AKAP6: variants seen among roughly 807,000 people sequenced by gnomAD.
AKAP6 encodes the protein A-kinase anchor protein 6.
Under a neutral mutation model 188.5 loss-of-function variants are expected in AKAP6, and 58 were observed. The ratio of observed to expected loss-of-function variants is 0.31; its 90% CI spans 0.25 to 0.38. The LOEUF is 0.38. Ranked by LOEUF, AKAP6 falls within the 10% of genes least tolerant of loss-of-function variation. The probability of loss-of-function intolerance (pLI) is 1.00; values close to 1 mark genes in which losing one functional copy is unlikely to be tolerated. For synonymous variants in AKAP6, 989 were observed against 998.6 expected (o/e 0.99, Z 0.18); for missense variants, 2,710 against 2,740.0 (o/e 0.99, Z 0.24).
chr14:32,672,108 C>T (rs1167733900), intron 7 of AKAP6, among the ~76,000 whole-genome samples: 1 of 152,084 alleles, frequency 6.6e-6, no homozygotes, highest in African/African-American at 2.4e-5. Context: ...ATTTGGGTCA[C>T]CACATACCGA....
intron 7 of AKAP6, among the ~76,000 whole-genome samples, chr14:32,660,331 T>C (rs149537544): frequency 1.7e-3 from 264 of 152,212 alleles, no homozygotes; most frequent in African/African-American, 6.2e-3. Flanking sequence ...CTTTCCCCAT[T>C]GTGCCACCAT....
intron 2 of AKAP6, among the ~76,000 whole-genome samples, chr14:32,438,165 T>A (rs1317568607): frequency 6.6e-6 from 1 of 152,160 alleles, no homozygotes; most frequent in South Asian, 2.1e-4. Context: ...ATTGGATGAA[T>A]CAAGGCCCAA....
intron 2 of AKAP6, among the ~76,000 whole-genome samples, chr14:32,524,717 C>T (rs918195267): frequency 1.3e-5 from 2 of 152,132 alleles, no homozygotes. Context: ...CAGTGGTGGG[C>T]TACCTTTCAA....
At chr14:32,522,055 C>T (rs200313915) in intron 2 of AKAP6, among the ~76,000 whole-genome samples, 1 of 152,190 alleles carries the variant, frequency 6.6e-6, no homozygotes, top group African/African-American at 2.4e-5. Context: ...ACCATTTGAT[C>T]TTTGACAAAC....
At chr14:32,463,809 GT>G (rs1253643656) in intron 2 of AKAP6, among the ~76,000 whole-genome samples, 1 of 152,076 alleles carries the variant, frequency 6.6e-6, no homozygotes, top group Non-Finnish European at 1.5e-5. Flanking sequence ...CCAGGAGCTG[GT>G]TTTTTGAAAA....
Position 32,531,588 on chromosome 14 carries a change from A to G in AKAP6, c.325-3966A>G, listed in dbSNP as rs543459811. 3.9e-5 allele frequency among the ~76,000 whole-genome samples: 6 copies of G among 152,278 alleles called. No individual in the cohort carries two copies. In the South Asian group the frequency reaches 6.2e-4, roughly 16 times the overall value. Reference sequence around the variant, plus strand: ...TTTGCATAACACCTCCACAATCTATACCAAACAGTTCCATCAGTCTGCAAA... The same window carrying G: ...TTTGCATAACACCTCCACAATCTATGCCAAACAGTTCCATCAGTCTGCAAA... On this transcript the variant is annotated intron_variant, in intron 2 of 13. Transcript: ENST00000280979.
intron 6 of AKAP6, among the ~76,000 whole-genome samples, 185 bp downstream of exon 6, chr14:32,599,691 G>T (rs1309679935): frequency 6.6e-6 from 1 of 152,110 alleles, no homozygotes; most frequent in Non-Finnish European, 1.5e-5. Flanking sequence ...CTTATAAGAT[G>T]AAATACTGCC....
At position 32,837,573 on chromosome 14, in the gene AKAP6, C is replaced by T. The variant is rs976331683; in HGVS notation, c.*7768C>T. The T allele has an allele frequency of 2.0e-5, 3 of 152,100 alleles. No homozygotes were observed. Among genetic ancestry groups the T allele is most frequent in the Admixed American group, 1.3e-4 (2 of 15,272 alleles). The allele number at this position is 152,100 out of a possible 1,614,324, so 9.4% of individuals were successfully genotyped here. ...GTCAGCAATTCAAAACAAATAATTC[C>T]CTCTGTGTGTGTTTGTTTGCTTGCA... On this transcript the variant is annotated 3_prime_UTR_variant, in exon 14 of 14. Coordinates refer to ENST00000280979, the MANE Select transcript of AKAP6 (RefSeq NM_004274.5).
chr14:32,571,769 C>T (rs941459736), intron 4 of AKAP6, among the ~76,000 whole-genome samples: 3 of 152,190 alleles, frequency 2.0e-5, no homozygotes, highest in African/African-American at 7.2e-5. Flanking sequence ...GGTGGCTCAA[C>T]TGCCTTCTGA....
chr14:32,425,855 G>T (rs1411929673), intron 1 of AKAP6, among the ~76,000 whole-genome samples: 1 of 152,120 alleles, frequency 6.6e-6, no homozygotes, highest in Non-Finnish European at 1.5e-5. Flanking sequence ...AGTTTAATTG[G>T]ATCCCATTTG....
intron 5 of AKAP6, among the ~76,000 whole-genome samples, chr14:32,595,887 G>A (rs747403620): frequency 6.6e-6 from 1 of 152,056 alleles, no homozygotes; most frequent in African/African-American, 2.4e-5. Flanking sequence ...AATATAAGCT[G>A]TTTGAGGATA....
intron 8 of AKAP6, among the ~76,000 whole-genome samples, chr14:32,690,675 G>C (rs993932727): frequency 2.0e-5 from 3 of 151,966 alleles, no homozygotes; most frequent in Non-Finnish European, 4.4e-5. Flanking sequence ...GAAAAATTTC[G>C]CACATCTATT....
chr14:32,674,649 G>A (rs1889353783), intron 7 of AKAP6, among the ~76,000 whole-genome samples: 1 of 152,162 alleles, frequency 6.6e-6, no homozygotes. Flanking sequence ...AAGGTTTGGG[G>A]GATGTGGTAA....
chr14:32,536,348 C>T (rs114916848), intron 3 of AKAP6, among the ~76,000 whole-genome samples: 198 of 152,298 alleles, frequency 1.3e-3, no homozygotes, highest in African/African-American at 4.1e-3. Flanking sequence ...AGAGGCAGAA[C>T]ATGTTCTAGG....
chr14:32,456,963 A>T lies in AKAP6; in HGVS notation c.324+23146A>T, dbSNP rs1891164904. Among the ~76,000 whole-genome samples the T allele has an allele frequency of 2.0e-5, 3 of 152,234 alleles. No homozygotes were observed. In the South Asian group the frequency reaches 6.2e-4, roughly 31 times the overall value. On this transcript the variant is annotated intron_variant, in intron 2 of 13. Transcript: ENST00000280979. Reference sequence around the variant, plus strand: ...TACTTTTAAAACTTCAAAATATGGGATGGAAATTATAAATTTAGCCAAGAT... The same window carrying T: ...TACTTTTAAAACTTCAAAATATGGGTTGGAAATTATAAATTTAGCCAAGAT...
chr14:32,666,440 A>G (rs557044244), intron 7 of AKAP6, among the ~76,000 whole-genome samples: 1 of 152,192 alleles, frequency 6.6e-6, no homozygotes, highest in Non-Finnish European at 1.5e-5. Context: ...TAGATATAGG[A>G]TCATTTCCTG....
At chr14:32,363,204 G>T (rs886691304) in intron 1 of AKAP6, among the ~76,000 whole-genome samples, 4 of 152,094 alleles carry the variant, frequency 2.6e-5, no homozygotes, top group African/African-American at 9.7e-5. Flanking sequence ...CTAGACTACT[G>T]ATCCCATGTT....
At chr14:32,480,052 A>T (rs762294997) in intron 2 of AKAP6, among the ~76,000 whole-genome samples, 6 of 152,142 alleles carry the variant, frequency 3.9e-5, no homozygotes, top group African/African-American at 9.7e-5. Context: ...AGAGGAGAAA[A>T]CAGTATCTCT....
chr14:32,794,124 C>CA (rs531311816), intron 12 of AKAP6, among the ~76,000 whole-genome samples: 5 of 152,214 alleles, frequency 3.3e-5, no homozygotes, highest in African/African-American at 1.2e-4. Flanking sequence ...TCAGCAAATG[C>CA]AAAAAACTGA....
Sources: gnomAD v4.1 joint callset for allele counts (sites outside exome capture counted in the v4.1 genomes callset) on GRCh38, gnomAD v4.1.1 for gene constraint, MANE v1.5 for transcripts, NCBI Gene and HGNC (gene_info 2026-07-23, HGNC 2026-07-21) for gene names.